Variants in ANKRD62 observed in about 807,000 individuals in gnomAD.
ANKRD62 encodes ankyrin repeat domain-containing protein 62.
A neutral mutation model predicts 98.8 loss-of-function variants in ANKRD62; 61 were observed. That is an observed-to-expected ratio of 0.62 (90% CI 0.50 to 0.76). The LOEUF (loss-of-function observed/expected upper bound fraction) is 0.76. Among genes scored for constraint, ANKRD62 ranks in the 30% least tolerant of loss-of-function variants. ANKRD62 has a pLI of 0.00. For missense variants in ANKRD62, 933 were observed against 1,082.9 expected (o/e 0.86, Z 1.94); for synonymous variants, 341 against 367.9 (o/e 0.93, Z 0.84).
At position 12,097,718 on chromosome 18, in the gene ANKRD62, T is replaced by C. The variant is rs1368384318; in HGVS notation, c.693T>C (p.Phe231=). 6.5e-7 allele frequency: 1 copy of C among 1,536,118 alleles called. No homozygotes were observed. The highest frequency in any genetic ancestry group is 1.2e-5 in the South Asian group (1 of 84,040). ...YQLLQHNIDV[F]CQDISGWTAE... ...TTCTTCAGCACAATATTGATGTCTT[T>C]TGCCAAGATATATCTGGATGGACTG... Residue 231 remains phenylalanine, a synonymous_variant, in exon 5 of 14, where the codon TTT becomes TTC. Coordinates refer to ENST00000587848, the MANE Select transcript of ANKRD62 (RefSeq NM_001277333.2).
chr18:12,112,887 G>T (rs1008396779), intron 8 of ANKRD62, among the ~76,000 whole-genome samples: 9 of 152,106 alleles, frequency 5.9e-5, no homozygotes, highest in African/African-American at 2.2e-4. Context: ...GTGGGCAAAG[G>T]ACATGAACAG....
chr18:12,168,099 A>T, the ANKRD62 span, among the ~76,000 whole-genome samples: 9 of 152,034 alleles, frequency 5.9e-5, no homozygotes, highest in East Asian at 1.7e-3. Context: ...GTTCACTCTG[A>T]TGGTAGTTTC....
the ANKRD62 span, among the ~76,000 whole-genome samples, chr18:12,154,225 A>G: frequency 3.3e-5 from 5 of 152,248 alleles, no homozygotes; most frequent in African/African-American, 1.2e-4. Flanking sequence ...AATATCCAGC[A>G]TCTATAAGGA....
the ANKRD62 span, among the ~76,000 whole-genome samples, chr18:12,171,299 T>A: frequency 6.6e-6 from 1 of 152,276 alleles, no homozygotes; most frequent in African/African-American, 2.4e-5. Flanking sequence ...CCATGTTTAG[T>A]GCTTCCTTCA....
the ANKRD62 span, among the ~76,000 whole-genome samples, chr18:12,137,496 G>A: frequency 6.6e-6 from 1 of 152,142 alleles, no homozygotes; most frequent in Non-Finnish European, 1.5e-5. Flanking sequence ...CAAGGATATT[G>A]GTCTAAAATT....
chr18:12,137,924 AT>A, the ANKRD62 span, among the ~76,000 whole-genome samples: 6 of 151,650 alleles, frequency 4.0e-5, no homozygotes, highest in African/African-American at 7.3e-5. Context: ...CATCTATTTG[AT>A]TCTTCTGTCT....
downstream of ANKRD62, among the ~76,000 whole-genome samples, chr18:12,130,010 C>T (rs1357495771): frequency 6.6e-6 from 1 of 152,042 alleles, no homozygotes; most frequent in Non-Finnish European, 1.5e-5. Flanking sequence ...TGCAAAAGTA[C>T]AGTTTAAAGC....
chr18:12,127,802 C>A lies in ANKRD62; in HGVS notation c.2617C>A (p.Leu873Met). 1.3e-6 allele frequency: 2 copies of A among 1,503,390 alleles called. No individual in the cohort carries two copies. Among genetic ancestry groups the A allele is most frequent in the Non-Finnish European group, 8.8e-7 (1 of 1,133,202 alleles). 93.1% of individuals were successfully genotyped at this position (1,503,390 alleles called of 1,614,324 possible). Residue 873 changes from leucine (L) to methionine (M), a missense_variant, in exon 14 of 14, where the codon CTG becomes ATG. Physicochemically the swap from Leu to Met is conservative, Grantham distance 15. Around this residue, in one of 3 missense-constraint regions of ANKRD62, gnomAD observed 362 missense variants for 434.5 expected, o/e 0.83. Transcript: ENST00000587848. Reference protein sequence around the residue: ...EVDDALNKQLLLEAMLEISSE... With the variant: ...EVDDALNKQLMLEAMLEISSE... ...GGATGATGCCCTGAACAAACAATTG[C>A]TGTTAGAAGCTATGCTAGAGATTTC... is the stretch of plus-strand genomic sequence containing the variant.
At chr18:12,160,336 T>G in the ANKRD62 span, among the ~76,000 whole-genome samples, 1 of 152,216 alleles carries the variant, frequency 6.6e-6, no homozygotes, top group Non-Finnish European at 1.5e-5. Flanking sequence ...ATTTCTCACC[T>G]TTTAAACCAT....
intron 1 of ANKRD62, 83 bp from the exon 2 acceptor site, chr18:12,095,088 T>G: frequency 1.0e-6 from 1 of 969,224 alleles, no homozygotes; most frequent in Non-Finnish European, 1.6e-6. Flanking sequence ...TAACATACTA[T>G]TGGATGTTTA....
chr18:12,109,950 CAAAAAAA>C (rs10588166), intron 8 of ANKRD62, among the ~76,000 whole-genome samples: 4 of 124,842 alleles, frequency 3.2e-5, no homozygotes, highest in Admixed American at 1.6e-4. Context: ...TCACTGTTAC[CAAAAAAA>C]AAAAAAAAAA....
chr18:12,170,646 C>G, the ANKRD62 span, among the ~76,000 whole-genome samples: 1 of 152,114 alleles, frequency 6.6e-6, no homozygotes. Context: ...TCTATTAGGT[C>G]TCCTTGTTGC....
the ANKRD62 span, among the ~76,000 whole-genome samples, chr18:12,166,366 A>G: frequency 3.3e-5 from 5 of 152,072 alleles, no homozygotes; most frequent in Non-Finnish European, 7.4e-5. Context: ...CAAACATCCT[A>G]TCATGAAGCC....
intron 4 of ANKRD62, among the ~76,000 whole-genome samples, chr18:12,096,557 A>G (rs1415842247): frequency 1.3e-5 from 2 of 152,200 alleles, no homozygotes. Context: ...TTTGAGTCAT[A>G]TGATCTTAAC....
chr18:12,151,204 A>G, the ANKRD62 span, among the ~76,000 whole-genome samples: 1 of 152,242 alleles, frequency 6.6e-6, no homozygotes, highest in Non-Finnish European at 1.5e-5. Flanking sequence ...GCATTAAATA[A>G]TGGTAAAGTG....
chr18:12,139,004 C>A, the ANKRD62 span, among the ~76,000 whole-genome samples: 1 of 152,144 alleles, frequency 6.6e-6, no homozygotes, highest in African/African-American at 2.4e-5. Flanking sequence ...TCCAATTTGC[C>A]AGTCTGTGCC....
Position 12,095,268 on chromosome 18 carries a change from A to G in ANKRD62, c.316A>G (p.Arg106Gly). The G allele has an allele frequency of 6.5e-7, 1 of 1,540,148 alleles. No homozygotes were observed. ...GCTTAACCTCACTGACAGTGAAAAC[A>G]GGACAGCTCTGATCAAGGTATATGG... is the stretch of plus-strand genomic sequence containing the variant. ...CQLNLTDSEN[R>G]TALIKAVQCQ... The change falls in exon 2 of 14, where the codon AGG becomes GGG. Residue 106 changes from arginine (R) to glycine (G), a missense_variant. Physicochemically the swap from Arg to Gly is moderately radical, Grantham distance 125. Transcript: ENST00000587848.
At chr18:12,135,595 C>G in the ANKRD62 span, among the ~76,000 whole-genome samples, 1 of 151,002 alleles carries the variant, frequency 6.6e-6, no homozygotes, top group African/African-American at 2.5e-5. Flanking sequence ...ATTTCTAGTT[C>G]TAGATCCCTG....
intron 7 of ANKRD62, among the ~76,000 whole-genome samples, chr18:12,104,859 G>A (rs1667385725): frequency 6.6e-6 from 1 of 152,096 alleles, no homozygotes; most frequent in African/African-American, 2.4e-5. Flanking sequence ...TTGCTTGCCA[G>A]TCATCTTCTG....
Sources: allele counts gnomAD v4.1 joint callset (sites outside exome capture counted in the v4.1 genomes callset), GRCh38; gene constraint gnomAD v4.1.1; regional missense constraint gnomAD v4.1.1; transcripts MANE v1.5; gene names NCBI Gene and HGNC (gene_info 2026-07-23, HGNC 2026-07-21).